SLC9A4: variants seen among roughly 807,000 people sequenced by gnomAD.
SLC9A4 encodes solute carrier family 9 member A4.
SLC9A4 carries 63 observed loss-of-function variants against 67.4 expected under a neutral mutation model. That is an observed-to-expected ratio of 0.93 (90% CI 0.76 to 1.15). SLC9A4 has a LOEUF of 1.15. SLC9A4 is among the 50% of genes most tolerant of loss of function. The pLI is 0.00. For synonymous variants in SLC9A4, 393 were observed against 367.2 expected, an observed-to-expected ratio of 1.07 and a Z score of -0.80; for missense variants, 1,089 against 987.7, an observed-to-expected ratio of 1.10 and a Z score of -1.38.
chr2:102,474,083 T>C, intron 1 of SLC9A4, 68 bp downstream of exon 1: 1 of 1,538,912 alleles, frequency 6.5e-7, no homozygotes, highest in East Asian at 2.3e-5. Flanking sequence ...GAAAATGCCT[T>C]ATAGATAACG....
intron 2 of SLC9A4, among the ~76,000 whole-genome samples, chr2:102,500,958 C>CTT (rs11443914): frequency 4.2e-3 from 595 of 141,332 alleles, no homozygotes; most frequent in African/African-American, 9.3e-3. Flanking sequence ...AAGCAACAAT[C>CTT]TTTTTTTTTT....
At chr2:102,521,214 C>T (rs184958705) in intron 9 of SLC9A4, among the ~76,000 whole-genome samples, 15 of 152,314 alleles carry the variant, frequency 9.8e-5, no homozygotes, top group Admixed American at 6.5e-4. Context: ...GGTCTAGAAA[C>T]GGAGATGGAG....
chr2:102,503,725 A>T lies in SLC9A4; in HGVS notation c.980+18A>T. 1.2e-6 allele frequency: 2 copies of T among 1,611,460 alleles called. No homozygotes were observed. Among genetic ancestry groups the T allele is most frequent in the Non-Finnish European group, 1.7e-6 (2 of 1,178,158 alleles). ...ATCCTGGCGTGAGTACAAACCAAGG[A>T]TCAAGTCACATAGTAATAGAAAGAA... On this transcript the variant is annotated intron_variant, in intron 3 of 11. Coordinates refer to ENST00000295269, the MANE Select transcript of SLC9A4 (RefSeq NM_001011552.4).
chr2:102,495,020 C>T (rs115430304), intron 2 of SLC9A4, among the ~76,000 whole-genome samples: 1,531 of 152,108 alleles, frequency 0.01, 21 homozygotes, highest in African/African-American at 0.029. Context: ...GCCCAACTAC[C>T]GCAAACTCAA....
At position 102,511,968 on chromosome 2, in the gene SLC9A4, G is replaced by T. The variant is rs368484231; in HGVS notation, c.1489-235G>T. 3.3e-5 allele frequency among the ~76,000 whole-genome samples: 5 copies of T among 152,102 alleles called. No individual in the cohort carries two copies. In the East Asian group the frequency reaches 7.7e-4, roughly 23 times the overall value. On this transcript the variant is annotated intron_variant, in intron 6 of 11. Coordinates refer to ENST00000295269, the MANE Select transcript of SLC9A4 (RefSeq NM_001011552.4). ...ATGCCAGGTGCCCTGTTTTCATTAC[G>T]TATTATGTGAATTATGAAGAAACTT...
At chr2:102,481,831 T>C (rs1684470788) in intron 2 of SLC9A4, among the ~76,000 whole-genome samples, 2 of 152,320 alleles carry the variant, frequency 1.3e-5, no homozygotes, top group South Asian at 2.1e-4. Flanking sequence ...CCAAAAGACA[T>C]GCAAACATTC....
rs1684399852 is a variant in SLC9A4 at position 102,479,146 on chromosome 2, G to A, written c.564G>A (p.Leu188=). 1 of 1,614,034 alleles carries A rather than the reference G, an allele frequency of 6.2e-7. No homozygotes were observed. Among genetic ancestry groups the A allele is most frequent in the Admixed American group, 1.7e-5 (1 of 60,000 alleles). ...TCTGCCAGGTGAAGGCCTTTGGCCTGGGCGACGTCAACCTGCTGCAGAACC... is the reference window on the plus strand; with the variant it reads ...TCTGCCAGGTGAAGGCCTTTGGCCTAGGCGACGTCAACCTGCTGCAGAACC... The part of the protein sequence containing the change: ...YLICQVKAFG[L]GDVNLLQNLL... Residue 188 remains leucine (L), a synonymous_variant, in exon 2 of 12, where the codon CTG becomes CTA. Transcript: ENST00000295269.
chr2:102,533,100 C>A lies in SLC9A4; in HGVS notation c.*412C>A, dbSNP rs1674812916. On this transcript the variant is annotated 3_prime_UTR_variant, in exon 12 of 12. Transcript: ENST00000295269. The stretch of plus-strand genomic sequence containing the variant: ...GAGACTTTGAAGTCACCTGACTCAG[C>A]CCCTTGTGTTTACAGACAAGGACAT... The A allele has an allele frequency of 6.1e-6, 1 of 163,918 alleles. No homozygotes were observed. Among genetic ancestry groups the A allele is most frequent in the South Asian group, 1.7e-4 (1 of 6,040 alleles). 10.2% of individuals were successfully genotyped at this position (163,918 alleles called of 1,614,324 possible).
intron 11 of SLC9A4, among the ~76,000 whole-genome samples, chr2:102,526,983 G>T (rs1313498352): frequency 6.6e-6 from 1 of 152,048 alleles, no homozygotes; most frequent in Non-Finnish European, 1.5e-5. Context: ...ATTTTTAAGT[G>T]TTAAAATCAT....
intron 4 of SLC9A4, among the ~76,000 whole-genome samples, chr2:102,507,632 C>A (rs1017912257): frequency 8.5e-5 from 13 of 152,060 alleles, no homozygotes; most frequent in African/African-American, 3.1e-4. Flanking sequence ...AAGAGGACCC[C>A]TCTCATTTTT....
At chr2:102,500,605 C>T (rs770297796) in intron 2 of SLC9A4, among the ~76,000 whole-genome samples, 3 of 152,184 alleles carry the variant, frequency 2.0e-5, no homozygotes, top group Non-Finnish European at 2.9e-5. Context: ...ACCTGAGCTA[C>T]TTCAAGCCAT....
At chr2:102,499,740 C>T (rs1684884378) in intron 2 of SLC9A4, among the ~76,000 whole-genome samples, 1 of 152,178 alleles carries the variant, frequency 6.6e-6, no homozygotes, top group Non-Finnish European at 1.5e-5. Context: ...TAACCTTCTG[C>T]CCACATTCCC....
intron 1 of SLC9A4, among the ~76,000 whole-genome samples, chr2:102,475,105 T>C (rs1001182371): frequency 1.4e-4 from 21 of 152,210 alleles, no homozygotes; most frequent in African/African-American, 5.1e-4. Flanking sequence ...AATAGGAATG[T>C]TAGTTTGAAG....
chr2:102,509,668 C>T (rs1276507562), intron 6 of SLC9A4, among the ~76,000 whole-genome samples: 3 of 152,216 alleles, frequency 2.0e-5, no homozygotes, highest in Non-Finnish European at 4.4e-5. Context: ...AATCCCAAAT[C>T]TCAATATCTC....
intron 9 of SLC9A4, among the ~76,000 whole-genome samples, chr2:102,524,224 C>T (rs997442957): frequency 4.6e-5 from 7 of 152,354 alleles, no homozygotes; most frequent in African/African-American, 1.2e-4. Flanking sequence ...TCCTATCATC[C>T]TCCAGGACTT....
At chr2:102,527,006 C>T (rs766986435) in intron 11 of SLC9A4, among the ~76,000 whole-genome samples, 3 of 152,108 alleles carry the variant, frequency 2.0e-5, no homozygotes, top group African/African-American at 4.8e-5. Flanking sequence ...TGGAAATTCA[C>T]GTAAACTAAA....
At chr2:102,475,765 T>C (rs1300706702) in intron 1 of SLC9A4, among the ~76,000 whole-genome samples, 1 of 152,192 alleles carries the variant, frequency 6.6e-6, no homozygotes, top group Non-Finnish European at 1.5e-5. Flanking sequence ...AAAAAGGCCA[T>C]ATTTATTGAA....
Position 102,519,920 on chromosome 2 carries a change from A to G in SLC9A4, c.1783A>G (p.Ile595Val). 1 of 1,613,830 alleles carries G rather than the reference A, an allele frequency of 6.2e-7. No individual in the cohort carries two copies. Among genetic ancestry groups the G allele is most frequent in the Non-Finnish European group, 8.5e-7 (1 of 1,179,756 alleles). ...SPEDVESIRD[I>V]LTSNMYQVRQ... ...TGAAGATGTGGAGTCCATAAGGGAC[A>G]TTCTGACATCCAACATGTACCAAGT... The change falls in exon 9 of 12, where the codon ATT (isoleucine) becomes GTT (valine). Residue 595 changes from isoleucine (I) to valine (V), a missense_variant. Ile to Val is a conservative substitution (Grantham distance 29). Transcript: ENST00000295269.
chr2:102,531,728 T>C (rs143385342), intron 11 of SLC9A4, among the ~76,000 whole-genome samples: 3 of 152,180 alleles, frequency 2.0e-5, no homozygotes, highest in Non-Finnish European at 2.9e-5. Context: ...TAGTAAATTA[T>C]CAGGAAAGGG....
Sources: allele counts gnomAD v4.1 joint callset (sites outside exome capture counted in the v4.1 genomes callset), GRCh38; gene constraint gnomAD v4.1.1; transcripts MANE v1.5; gene names NCBI Gene and HGNC (gene_info 2026-07-23, HGNC 2026-07-21).